Variants in MTNR1A observed in about 807,000 individuals in gnomAD.
MTNR1A encodes the protein melatonin receptor type 1A.
A neutral mutation model predicts 5.5 loss-of-function variants in MTNR1A; 7 were observed. That is an observed-to-expected ratio of 1.28 (90% CI 0.73 to 2.40). The LOEUF (loss-of-function observed/expected upper bound fraction) is 2.40. MTNR1A is among the 30% of genes most tolerant of loss of function. The pLI, the probability that MTNR1A is intolerant of heterozygous loss-of-function variation, is 0.00. For synonymous variants in MTNR1A, 196 were observed against 202.7 expected (o/e 0.97, Z 0.28); for missense variants, 441 against 464.4 (o/e 0.95, Z 0.46).
intron 1 of MTNR1A, among the ~76,000 whole-genome samples, 193 bp from the exon 2 acceptor site, chr4:186,534,750 G>A (rs1182773423): frequency 2.0e-5 from 3 of 152,122 alleles, no homozygotes; most frequent in African/African-American, 7.2e-5. Flanking sequence ...CGAATCCGCT[G>A]TTCACACATT....
At chr4:186,546,444 G>A (rs1475203012) in intron 1 of MTNR1A, among the ~76,000 whole-genome samples, 1 of 151,958 alleles carries the variant, frequency 6.6e-6, no homozygotes, top group Non-Finnish European at 1.5e-5. Flanking sequence ...TAGCCCTGCA[G>A]TATTCAGTGA....
rs774267837 is a variant in MTNR1A, at chr4:186,553,778, C to T, written c.184+1404G>A. Among the ~76,000 whole-genome samples, 50 of 152,352 alleles carry T rather than the reference C, an allele frequency of 3.3e-4. 1 individual carries two copies. The highest frequency in any genetic ancestry group is 1.8e-3 in the Admixed American group (28 of 15,302). ...CCACCCACCTCGGCCTCCCAAAGTG[C>T]TGGGATTACAGGCTTGAGCCATCGC... On this transcript the variant is annotated intron_variant, in intron 1 of 1. Coordinates refer to ENST00000307161, the MANE Select transcript of MTNR1A (RefSeq NM_005958.4).
In MTNR1A at chr4:186,534,345, G is replaced by T; in HGVS notation, c.397C>A (p.Leu133Ile). The change falls in exon 2 of 2, where the codon CTC becomes ATC. Residue 133 changes from leucine to isoleucine, a missense_variant. Leu to Ile is a conservative substitution (Grantham distance 5). Transcript: ENST00000307161. ...CTGCTGTACAGTTTGTCGTACTTGA[G>T]ACTGTGGCAGATGTAGCAGTAGCGG... ...INRYCYICHSLKYDKLYSSKN... is the reference protein window; with the variant it reads ...INRYCYICHSIKYDKLYSSKN... 1 of 1,614,148 alleles carries T rather than the reference G, an allele frequency of 6.2e-7. No individual in the cohort carries two copies. The highest frequency in any genetic ancestry group is 1.1e-5 in the South Asian group (1 of 91,086).
chr4:186,544,939 C>G (rs1737109726), intron 1 of MTNR1A, among the ~76,000 whole-genome samples: 1 of 152,180 alleles, frequency 6.6e-6, no homozygotes, highest in African/African-American at 2.4e-5. Context: ...GTACAAACGA[C>G]CAGTCCCTTT....
At chr4:186,543,287 G>A (rs938490904) in intron 1 of MTNR1A, among the ~76,000 whole-genome samples, 10 of 152,268 alleles carry the variant, frequency 6.6e-5, no homozygotes, top group South Asian at 4.1e-4. Flanking sequence ...GAAATCCCTC[G>A]CGTGTCTCAG....
chr4:186,552,337 G>A (rs1182011607), intron 1 of MTNR1A, among the ~76,000 whole-genome samples: 3 of 152,170 alleles, frequency 2.0e-5, no homozygotes, highest in African/African-American at 4.8e-5. Context: ...GAACAAATCC[G>A]CTGTAGGTGA....
At chr4:186,546,021 G>A (rs1328795381) in intron 1 of MTNR1A, among the ~76,000 whole-genome samples, 1 of 152,126 alleles carries the variant, frequency 6.6e-6, no homozygotes, top group Non-Finnish European at 1.5e-5. Flanking sequence ...AACAAAAGCC[G>A]GATTCAGATC....
intron 1 of MTNR1A, among the ~76,000 whole-genome samples, chr4:186,548,118 A>T (rs1737194583): frequency 1.3e-5 from 2 of 152,194 alleles, no homozygotes; most frequent in South Asian, 2.1e-4. Context: ...ATCAAAAAAA[A>T]ACTATATGAA....
chr4:186,544,350 GC>G (rs1450256050), intron 1 of MTNR1A, among the ~76,000 whole-genome samples: 2 of 152,176 alleles, frequency 1.3e-5, no homozygotes, highest in Non-Finnish European at 2.9e-5. Flanking sequence ...GCTTTTTTAT[GC>G]TAGATATGCC....
chr4:186,536,753 A>T (rs1036253848), intron 1 of MTNR1A, among the ~76,000 whole-genome samples: 2 of 152,258 alleles, frequency 1.3e-5, no homozygotes, highest in South Asian at 4.1e-4. Flanking sequence ...AAATACTTTA[A>T]AAATTGGTTG....
At chr4:186,540,831 GAAGGACCAGGTGCTGTCTGACT>G (rs1737003097) in intron 1 of MTNR1A, among the ~76,000 whole-genome samples, 1 of 150,564 alleles carries the variant, frequency 6.6e-6, no homozygotes, top group African/African-American at 2.5e-5. Flanking sequence ...CTGTCTGACT[GAAGGACCAGGTGCTGTCTGACT>G]GAAGGACCAG....
Position 186,534,114 on chromosome 4 carries a change from T to C in MTNR1A, c.628A>G (p.Ile210Val). The C allele has an allele frequency of 1.2e-6, 2 of 1,614,168 alleles. No homozygotes were observed. Among genetic ancestry groups the C allele is most frequent in the Non-Finnish European group, 1.7e-6 (2 of 1,180,012 alleles). Residue 210 changes from isoleucine to valine, a missense_variant, in exon 2 of 2, where the codon ATA becomes GTA. Physicochemically the swap from Ile to Val is conservative, Grantham distance 29. Transcript: ENST00000307161. The stretch of plus-strand genomic sequence containing the variant: ...CTGACCTGGAGAACCAGGATCCATA[T>C]TCTCAGGTAACAGAAGATGACTATG... The part of the protein sequence containing the change: ...MIIVIFCYLR[I>V]WILVLQVRQR...
chr4:186,555,346 G>C lies in MTNR1A; in HGVS notation c.20C>G (p.Ala7Gly). Reference sequence around the variant, plus strand: ...CACGGGCTGGGAGGCGTTGGGCAGCGCGCTGCCGTTGCCCTGCATGGTCCC... The same window carrying C: ...CACGGGCTGGGAGGCGTTGGGCAGCCCGCTGCCGTTGCCCTGCATGGTCCC... MQGNGS[A>G]LPNASQPVLR... The change falls in exon 1 of 2, where the codon GCG becomes GGG. Residue 7 changes from alanine to glycine, a missense_variant. Coordinates refer to ENST00000307161, the MANE Select transcript of MTNR1A (RefSeq NM_005958.4). This position sits in a 1 kb window ranked among gnomAD's most constrained non-coding sequence, Gnocchi z 4.1. 6.5e-7 allele frequency: 1 copy of C among 1,541,472 alleles called. No homozygotes were observed. Among genetic ancestry groups the C allele is most frequent in the Non-Finnish European group, 8.7e-7 (1 of 1,143,112 alleles).
intron 1 of MTNR1A, among the ~76,000 whole-genome samples, chr4:186,554,767 C>T (rs1275298690): frequency 6.6e-6 from 1 of 152,236 alleles, no homozygotes; most frequent in Non-Finnish European, 1.5e-5. Flanking sequence ...GCTGCTCCAT[C>T]ATTTTGCCAG....
intron 1 of MTNR1A, among the ~76,000 whole-genome samples, chr4:186,535,278 G>C (rs1028052939): frequency 2.6e-5 from 4 of 151,730 alleles, no homozygotes; most frequent in African/African-American, 9.7e-5. Context: ...TTGAACCAAA[G>C]GAAAATGCAG....
chr4:186,534,651 G>A, intron 1 of MTNR1A, 94 bp from the exon 2 acceptor site: 8 of 1,462,814 alleles, frequency 5.5e-6, no homozygotes, highest in South Asian at 4.7e-5. Context: ...CTGCAGCTCC[G>A]ATGACCTGAC....
chr4:186,534,153 G>C lies in MTNR1A; in HGVS notation c.589C>G (p.Leu197Val). 6.2e-7 allele frequency: 1 copy of C among 1,613,612 alleles called. No homozygotes were observed. The change falls in exon 2 of 2, where the codon CTC (leucine) becomes GTC (valine). Residue 197 changes from leucine to valine, a missense_variant. Physicochemically the swap from Leu to Val is conservative, Grantham distance 32. Transcript: ENST00000307161. The stretch of plus-strand genomic sequence containing the variant: ...AAGATGACTATGATCATGGGGACGA[G>C]GAAGTGGAAAACCACCACGGCGATG... ...YTIAVVVFHF[L>V]VPMIIVIFCY...
chr4:186,544,910 C>G lies in MTNR1A; in HGVS notation c.184+10272G>C, dbSNP rs138994833. ...TTCCCCAGAGACTGCCTTCACTGAT[C>G]ACAGAGCCACTGAATGGGGTACAAA... On this transcript the variant is annotated intron_variant, in intron 1 of 1. Transcript: ENST00000307161. 7.8e-3 allele frequency among the ~76,000 whole-genome samples: 1,187 copies of G among 152,302 alleles called. 11 individuals carry two copies. Among genetic ancestry groups the G allele is most frequent in the African/African-American group, 0.027 (1,127 of 41,566 alleles).
intron 1 of MTNR1A, among the ~76,000 whole-genome samples, chr4:186,553,732 G>A (rs1234024624): frequency 2.0e-5 from 3 of 152,218 alleles, no homozygotes; most frequent in Middle Eastern, 3.4e-3. Context: ...AGCTGGTCTC[G>A]AACTCCTGAC....
Sources: gnomAD v4.1 joint callset for allele counts (sites outside exome capture counted in the v4.1 genomes callset) on GRCh38, gnomAD v4.1.1 for gene constraint, Gnocchi (gnomAD v3.1) non-coding constraint, MANE v1.5 for transcripts, NCBI Gene and HGNC (gene_info 2026-07-23, HGNC 2026-07-21) for gene names.